The following MACROD2 variants were observed in gnomAD, a reference collection of about 807,000 sequenced individuals.
MACROD2 encodes the protein mono-ADP ribosylhydrolase 2, also known as ADP-ribose glycohydrolase MACROD2.
MACROD2 carries 36 observed loss-of-function variants against 70.4 expected under a neutral mutation model. The ratio of observed to expected loss-of-function variants is 0.51; its 90% CI spans 0.39 to 0.68. MACROD2 has a LOEUF of 0.68. Among genes scored for constraint, MACROD2 ranks in the 30% least tolerant of loss-of-function variants. The probability of loss-of-function intolerance (pLI) is 0.00; values close to 1 mark genes in which losing one functional copy is unlikely to be tolerated. For missense variants in MACROD2, 496 were observed against 538.4 expected (o/e 0.92, Z 0.78); for synonymous variants, 172 against 178.8 (o/e 0.96, Z 0.30).
At chr20:15,094,909 G>A (rs1405936828) in intron 5 of MACROD2, among the ~76,000 whole-genome samples, 1 of 151,944 alleles carries the variant, frequency 6.6e-6, no homozygotes, top group African/African-American at 2.4e-5. Context: ...GGCCTGGGAG[G>A]GAGAGATCTG....
At chr20:15,830,056 G>A (rs533115325) in intron 8 of MACROD2, among the ~76,000 whole-genome samples, 1 of 152,174 alleles carries the variant, frequency 6.6e-6, no homozygotes, top group Non-Finnish European at 1.5e-5. Context: ...AGGGGATGGA[G>A]GAAAGGTGCC....
chr20:15,465,548 A>G (rs1445143811), intron 7 of MACROD2, among the ~76,000 whole-genome samples: 1 of 152,272 alleles, frequency 6.6e-6, no homozygotes, highest in Non-Finnish European at 1.5e-5. Flanking sequence ...GAACAGATGA[A>G]TACACATTTC....
chr20:14,781,390 C>T (rs73897209), intron 5 of MACROD2, among the ~76,000 whole-genome samples: 4,557 of 150,820 alleles, frequency 0.03, 89 homozygotes, highest in Middle Eastern at 0.11. Flanking sequence ...AGCTCTGGTC[C>T]GTTTTCATTT....
At chr20:15,985,448 T>C (rs1466576704) in intron 13 of MACROD2, among the ~76,000 whole-genome samples, 1 of 152,218 alleles carries the variant, frequency 6.6e-6, no homozygotes, top group Non-Finnish European at 1.5e-5. Context: ...CTGTGGGTGA[T>C]CAGGCCACTC....
chr20:14,176,134 T>C (rs1162137067), intron 3 of MACROD2, among the ~76,000 whole-genome samples: 1 of 152,218 alleles, frequency 6.6e-6, no homozygotes, highest in East Asian at 1.9e-4. Flanking sequence ...GAATCCAGAA[T>C]GAATCTAACT....
intron 5 of MACROD2, among the ~76,000 whole-genome samples, chr20:14,785,368 C>G (rs1180982047): frequency 1.3e-5 from 2 of 151,826 alleles, no homozygotes; most frequent in Non-Finnish European, 2.9e-5. Flanking sequence ...GTAAGCTAAT[C>G]TAATTTAAAC....
intron 12 of MACROD2, among the ~76,000 whole-genome samples, chr20:15,938,027 AGTTAC>A (rs1334760638): frequency 6.6e-6 from 1 of 151,924 alleles, no homozygotes. Flanking sequence ...TTCTGTCAGA[AGTTAC>A]TATGAGAAAA....
chr20:15,203,848 C>A (rs2076678285), intron 5 of MACROD2, among the ~76,000 whole-genome samples: 1 of 152,036 alleles, frequency 6.6e-6, no homozygotes, highest in Admixed American at 6.6e-5. Flanking sequence ...AATTAATAAT[C>A]TCACTTCTTC....
intron 8 of MACROD2, among the ~76,000 whole-genome samples, chr20:15,843,630 A>T (rs532143932): frequency 2.0e-5 from 3 of 152,166 alleles, no homozygotes; most frequent in Non-Finnish European, 4.4e-5. Context: ...TGAAGTGCAA[A>T]TGTAAAAGTC....
chr20:15,367,175 G>A (rs1424439240), intron 6 of MACROD2, among the ~76,000 whole-genome samples: 4 of 151,434 alleles, frequency 2.6e-5, no homozygotes, highest in South Asian at 4.2e-4. Context: ...CTACAAGCAC[G>A]TGCCACCATG....
chr20:15,469,491 A>T (rs543956665), intron 7 of MACROD2, among the ~76,000 whole-genome samples: 2 of 152,224 alleles, frequency 1.3e-5, no homozygotes, highest in Admixed American at 6.5e-5. Flanking sequence ...CACAAAGATG[A>T]TGGAGCTTAT....
chr20:14,309,190 G>A (rs772349814), intron 3 of MACROD2, among the ~76,000 whole-genome samples: 8 of 152,132 alleles, frequency 5.3e-5, no homozygotes, highest in Non-Finnish European at 8.8e-5. Flanking sequence ...TGAATAAAAT[G>A]AGGATTACCC....
At chr20:15,533,133 G>A (rs933574103) in intron 8 of MACROD2, among the ~76,000 whole-genome samples, 2 of 152,174 alleles carry the variant, frequency 1.3e-5, no homozygotes, top group African/African-American at 4.8e-5. Context: ...TAAATCCAAA[G>A]GAAATCTTTT....
intron 8 of MACROD2, among the ~76,000 whole-genome samples, chr20:15,520,018 G>A (rs991799972): frequency 1.1e-4 from 16 of 152,068 alleles, no homozygotes; most frequent in African/African-American, 3.1e-4. Flanking sequence ...TAGGGGAAGC[G>A]GCGAGAATAA....
At chr20:15,795,135 G>A (rs1396394790) in intron 8 of MACROD2, among the ~76,000 whole-genome samples, 1 of 152,076 alleles carries the variant, frequency 6.6e-6, no homozygotes, top group Non-Finnish European at 1.5e-5. Flanking sequence ...TTGTGCAATT[G>A]CAACCTTCCT....
At chr20:15,084,668 C>G (rs1323536256) in intron 5 of MACROD2, among the ~76,000 whole-genome samples, 1 of 152,108 alleles carries the variant, frequency 6.6e-6, no homozygotes, top group Non-Finnish European at 1.5e-5. Flanking sequence ...TTCCCTGTTA[C>G]TGTATTATGA....
intron 5 of MACROD2, among the ~76,000 whole-genome samples, chr20:15,076,410 A>T (rs1197234528): frequency 1.3e-5 from 2 of 152,192 alleles, no homozygotes; most frequent in Non-Finnish European, 2.9e-5. Context: ...TTAGTATATC[A>T]TTAAGCCAAA....
chr20:14,911,581 G>T (rs1238499308), intron 5 of MACROD2, among the ~76,000 whole-genome samples: 1 of 151,926 alleles, frequency 6.6e-6, no homozygotes, highest in Non-Finnish European at 1.5e-5. Context: ...GTCTCACTAT[G>T]ATGCCCAGGC....
At chr20:15,220,414 A>C (rs982730562) in intron 5 of MACROD2, among the ~76,000 whole-genome samples, 4 of 152,268 alleles carry the variant, frequency 2.6e-5, no homozygotes, top group Admixed American at 2.6e-4. Context: ...GGAAGCATCG[A>C]GTCACTGCAG....
Sources: allele counts gnomAD v4.1 joint callset (sites outside exome capture counted in the v4.1 genomes callset), GRCh38; gene constraint gnomAD v4.1.1; transcripts MANE v1.5; gene names NCBI Gene and HGNC (gene_info 2026-07-23, HGNC 2026-07-21).